NUBP2: variants seen among roughly 807,000 people sequenced by gnomAD.
NUBP2 encodes the protein cytosolic Fe-S cluster assembly factor NUBP2.
A neutral mutation model predicts 24.9 loss-of-function variants in NUBP2; 23 were observed. That is an observed-to-expected ratio of 0.92 (90% CI 0.66 to 1.31). The LOEUF is 1.31. Among genes scored for constraint, NUBP2 ranks in the 50% most tolerant of loss-of-function variants. The pLI is 0.00. For synonymous variants in NUBP2, 186 were observed against 170.9 expected (o/e 1.09, Z -0.69); for missense variants, 403 against 386.5 (o/e 1.04, Z -0.36).
Position 1,788,651 on chromosome 16 carries a change from C to T in NUBP2, c.753C>T (p.Ala251=). The T allele has an allele frequency of 6.2e-7, 1 of 1,612,218 alleles. No individual in the cohort carries two copies. The highest frequency in any genetic ancestry group is 8.5e-7 in the Non-Finnish European group (1 of 1,179,752). The change falls in exon 7 of 7, where the codon GCC becomes GCT. Residue 251 remains alanine (A), a synonymous_variant. Transcript: ENST00000262302. The part of the protein sequence containing the change: ...DFIQEFPGSP[A]FAALTSIAQK... ...TCCAGGAGTTCCCTGGGAGCCCCGC[C>T]TTCGCTGCACTCACCTCCATAGCCC...
chr16:1,786,933 G>A lies in NUBP2; in HGVS notation c.312G>A (p.Val104=), dbSNP rs777991484. 22 of 1,527,254 alleles carry A rather than the reference G, an allele frequency of 1.4e-5. No individual in the cohort carries two copies. The African/African-American group carries it at 2.8e-4, about 19-fold the overall frequency. The allele number at this position is 1,527,254 out of a possible 1,614,324, so 94.6% of individuals were successfully genotyped here. The stretch of plus-strand genomic sequence containing the variant: ...TGGAGAAGCCGGACGAGGCCGTGGT[G>A]TGGAGAGGCCCCAAGAAAAACGGTA... ...FLLEKPDEAV[V]WRGPKKNALI... is the part of the protein sequence containing the mutation. Residue 104 remains valine (V), a synonymous_variant, in exon 3 of 7, where the codon GTG becomes GTA. Coordinates refer to ENST00000262302, the MANE Select transcript of NUBP2 (RefSeq NM_012225.4).
intron 1 of NUBP2, chr16:1,785,322 G>C: frequency 9.2e-7 from 1 of 1,083,668 alleles, no homozygotes; most frequent in Non-Finnish European, 1.1e-6. Context: ...CCTCAGGGTT[G>C]TTGTCCCGGT....
At chr16:1,783,411 A>C in intron 1 of NUBP2, 1 of 1,032,782 alleles carries the variant, frequency 9.7e-7, no homozygotes, top group Non-Finnish European at 1.2e-6. Flanking sequence ...CTCTAAATAA[A>C]TCACACGCGC....
At chr16:1,783,080 T>G (rs987924008) in intron 1 of NUBP2, 44 bp downstream of exon 1, 4 of 1,237,886 alleles carry the variant, frequency 3.2e-6, no homozygotes, top group Admixed American at 8.5e-5. Flanking sequence ...GGGCCTCGCT[T>G]GGGGCCCCGC....
At chr16:1,784,063 C>T (rs956858278) in intron 1 of NUBP2, 4 of 962,474 alleles carry the variant, frequency 4.2e-6, no homozygotes, top group Admixed American at 6.2e-5. Context: ...GGATTTACTA[C>T]AAAGTAAGGA....
In NUBP2 at chr16:1,783,028, C is replaced by T. The variant is rs1414022631; in HGVS notation, c.8C>T (p.Ala3Val). 22 of 1,368,700 alleles carry T rather than the reference C, an allele frequency of 1.6e-5. No individual in the cohort carries two copies. Among genetic ancestry groups the T allele is most frequent in the Non-Finnish European group, 2.0e-5 (21 of 1,055,796 alleles). The allele number at this position is 1,368,700 out of a possible 1,614,324, so 84.8% of individuals were successfully genotyped here. Residue 3 changes from alanine (A) to valine (V), a missense_variant, in exon 1 of 7, where the codon GCG (alanine) becomes GTG (valine). By Grantham distance (64) the Ala-to-Val change is moderately conservative. Coordinates refer to ENST00000262302, the MANE Select transcript of NUBP2 (RefSeq NM_012225.4). ...GCTCCTGGAGGCGGCGGGATGGAGGCGGCGGCCGGTGAGTGGCGGGCCAGG... is the reference window on the plus strand; with the variant it reads ...GCTCCTGGAGGCGGCGGGATGGAGGTGGCGGCCGGTGAGTGGCGGGCCAGG... Reference protein sequence around the residue: MEAAAEPGNLAGV... With the variant: MEVAAEPGNLAGV...
chr16:1,787,579 T>C (rs772423919), intron 3 of NUBP2, 98 bp from the exon 4 acceptor site: 35 of 1,484,004 alleles, frequency 2.4e-5, no homozygotes, highest in Admixed American at 8.9e-5. Context: ...CCTGATGGAC[T>C]GCAGCCCCTC....
intron 1 of NUBP2, chr16:1,784,069 A>G (rs1896849486): frequency 2.0e-6 from 2 of 979,062 alleles, no homozygotes; most frequent in Non-Finnish European, 2.4e-6. Context: ...ACTACAAAGT[A>G]AGGATATTAC....
chr16:1,787,388 C>T (rs1261558072), intron 3 of NUBP2: 9 of 522,994 alleles, frequency 1.7e-5, no homozygotes, highest in East Asian at 9.4e-5. Flanking sequence ...TGGGTACAGA[C>T]GCCTGGAGGG....
Position 1,788,517 on chromosome 16 carries a change from G to A in NUBP2, c.671-52G>A. 9 of 1,539,382 alleles carry A rather than the reference G, an allele frequency of 5.8e-6. No individual in the cohort carries two copies. The Admixed American group carries it at 7.6e-5, about 13-fold the overall frequency. Reference sequence around the variant, plus strand: ...TCGGGTGCGTCCAGCTGAGCCAATGGTGGGAGTGGAAGGTGCGGACATGGC... The same window carrying A: ...TCGGGTGCGTCCAGCTGAGCCAATGATGGGAGTGGAAGGTGCGGACATGGC... On this transcript the variant is annotated intron_variant, in intron 6 of 6. Coordinates refer to ENST00000262302, the MANE Select transcript of NUBP2 (RefSeq NM_012225.4).
In NUBP2 at chr16:1,788,725, C is replaced by T. The variant is rs562333313; in HGVS notation, c.*11C>T. ...GCGTGCCTCCCCTGACTAAGGCCAC[C>T]TTGCAGCCGCTTTCCAGGGCCACCA... is the stretch of plus-strand genomic sequence containing the variant. On this transcript the variant is annotated 3_prime_UTR_variant, in exon 7 of 7. Transcript: ENST00000262302. 62 of 1,603,274 alleles carry T rather than the reference C, an allele frequency of 3.9e-5. No individual in the cohort carries two copies. Among genetic ancestry groups the T allele is most frequent in the East Asian group, 2.2e-4 (10 of 44,708 alleles).
At chr16:1,784,063 C>A in intron 1 of NUBP2, 1 of 962,582 alleles carries the variant, frequency 1.0e-6, no homozygotes, top group Non-Finnish European at 1.2e-6. Context: ...GGATTTACTA[C>A]AAAGTAAGGA....
chr16:1,787,742 C>A lies in NUBP2; in HGVS notation c.400C>A (p.Pro134Thr). 6.2e-7 allele frequency: 1 copy of A among 1,612,536 alleles called. No individual in the cohort carries two copies. Among genetic ancestry groups the A allele is most frequent in the South Asian group, 1.1e-5 (1 of 91,080 alleles). ...GCTGGACTACCTGGTGGTGGACACG[C>A]CCCCGGGGACCTCCGATGAGCACAT... Reference protein sequence around the residue: ...GELDYLVVDTPPGTSDEHMAT... With the variant: ...GELDYLVVDTTPGTSDEHMAT... The change falls in exon 4 of 7, where the codon CCC (proline) becomes ACC (threonine). Residue 134 changes from proline to threonine, a missense_variant. Physicochemically the swap from Pro to Thr is conservative, Grantham distance 38. Transcript: ENST00000262302.
intron 1 of NUBP2, 97 bp from the exon 2 acceptor site, chr16:1,786,440 G>A (rs554756749): frequency 9.3e-6 from 10 of 1,079,734 alleles, no homozygotes; most frequent in East Asian, 7.2e-5. Flanking sequence ...CCACTGCCCC[G>A]CTCAGAACGT....
rs11540963 is a variant in NUBP2 at position 1,788,780 on chromosome 16, A to T, written c.*66A>T. 1 of 1,530,074 alleles carries T rather than the reference A, an allele frequency of 6.5e-7. No individual in the cohort carries two copies. The highest frequency in any genetic ancestry group is 1.4e-5 in the African/African-American group (1 of 72,248). 94.8% of individuals were successfully genotyped at this position (1,530,074 alleles called of 1,614,324 possible). ...CTCTGCTCCAGCCTCTCAGAGAAAC[A>T]GAGGCCTGGGCTCGGTTCCCGGGCC... On this transcript the variant is annotated 3_prime_UTR_variant, in exon 7 of 7. Transcript: ENST00000262302.
chr16:1,785,683 C>T (rs1896928270), intron 1 of NUBP2: 1 of 1,289,018 alleles, frequency 7.8e-7, no homozygotes, highest in African/African-American at 1.5e-5. Context: ...CTGGAGGAGA[C>T]CTCAGGCAGC....
chr16:1,785,853 T>C (rs1191057582), intron 1 of NUBP2: 5 of 1,288,888 alleles, frequency 3.9e-6, no homozygotes, highest in Non-Finnish European at 5.1e-6. Context: ...CTGTCGGGGA[T>C]GGAGCAGCTT....
intron 1 of NUBP2, chr16:1,783,519 G>A: frequency 1.0e-6 from 1 of 986,642 alleles, no homozygotes; most frequent in African/African-American, 1.7e-5. Flanking sequence ...AAGTTGCGCG[G>A]GACAGAATTC....
At position 1,788,253 on chromosome 16, in the gene NUBP2, C is replaced by T. The variant is rs369745330; in HGVS notation, c.670+46C>T. 132 of 1,438,048 alleles carry T rather than the reference C, an allele frequency of 9.2e-5. 2 individuals carry two copies. The East Asian group carries it at 1.2e-3, about 13-fold the overall frequency. The allele number at this position is 1,438,048 out of a possible 1,614,324, so 89.1% of individuals were successfully genotyped here. A position where few individuals can be genotyped will look rare whatever the true frequency, so the allele number is the denominator to read the frequency against. On this transcript the variant is annotated intron_variant, in intron 6 of 6. Transcript: ENST00000262302. ...CTGGGGTCGCGGCCTCCCATTCCATCTCTGCCCTGGGCGGGTTTGACCTCC... is the reference window on the plus strand; with the variant it reads ...CTGGGGTCGCGGCCTCCCATTCCATTTCTGCCCTGGGCGGGTTTGACCTCC...
Sources: allele counts gnomAD v4.1 joint callset, GRCh38; gene constraint gnomAD v4.1.1; transcripts MANE v1.5; gene names NCBI Gene and HGNC (gene_info 2026-07-23, HGNC 2026-07-21).